The following GTF2H5 variants were observed in gnomAD, a reference collection of about 807,000 sequenced individuals.
GTF2H5 encodes the protein general transcription factor IIH subunit 5, also known as TFB5 ortholog.
In GTF2H5, 5 loss-of-function variants were observed where a neutral mutation model predicts 7.1. The ratio of observed to expected loss-of-function variants is 0.71; its 90% CI spans 0.37 to 1.49. The LOEUF is 1.49. GTF2H5 is among the 40% of genes most tolerant of loss of function. The pLI, the probability that GTF2H5 is intolerant of heterozygous loss-of-function variation, is 0.03. For missense variants in GTF2H5, 80 were observed against 83.0 expected (o/e 0.96, Z 0.14); for synonymous variants, 30 against 31.7 (o/e 0.95, Z 0.18).
chr6:158,181,701 C>CT (rs200161141), intron 2 of GTF2H5, among the ~76,000 whole-genome samples: 3,141 of 145,194 alleles, frequency 0.022, 51 homozygotes, highest in South Asian at 0.071. Flanking sequence ...GCAACCTCTG[C>CT]TTTTTTTTTT....
chr6:158,169,442 T>TATA (rs1370045810), intron 1 of GTF2H5, among the ~76,000 whole-genome samples: 1 of 35,982 alleles, frequency 2.8e-5, no homozygotes, highest in Non-Finnish European at 3.9e-5. Flanking sequence ...GTATATTATA[T>TATA]ATATTATATA....
intron 2 of GTF2H5, among the ~76,000 whole-genome samples, chr6:158,175,121 G>A (rs1785916948): frequency 6.6e-6 from 1 of 151,622 alleles, no homozygotes; most frequent in African/African-American, 2.4e-5. Context: ...TTTGTTAACA[G>A]AATTGAGTCC....
chr6:158,190,266 T>A (rs1449605649), intron 2 of GTF2H5, among the ~76,000 whole-genome samples: 1 of 152,156 alleles, frequency 6.6e-6, no homozygotes. Context: ...AAAAATCTCC[T>A]CCAGTCTTCC....
At chr6:158,169,119 C>T (rs1191552376) in intron 1 of GTF2H5, among the ~76,000 whole-genome samples, 7 of 149,914 alleles carry the variant, frequency 4.7e-5, no homozygotes, top group East Asian at 2.0e-4. Context: ...CTGTAGTCCC[C>T]GCTGCTTGGG....
At position 158,192,009 on chromosome 6, in the gene GTF2H5, T is replaced by G. The variant is rs941455336; in HGVS notation, c.68T>G (p.Leu23Trp). Residue 23 changes from leucine to tryptophan, a missense_variant, in exon 3 of 3, where the codon TTG (leucine) becomes TGG (tryptophan). Leu to Trp is a moderately conservative substitution (Grantham distance 61). Transcript: ENST00000607778. ...DPAMKQFLLY[L>W]DESNALGKKF... The stretch of plus-strand genomic sequence containing the variant: ...GCCATGAAGCAGTTTCTGCTGTACT[T>G]GGATGAGTCCAATGCCCTGGGGAAG... 8.7e-6 allele frequency: 14 copies of G among 1,614,144 alleles called. No individual in the cohort carries two copies. Among genetic ancestry groups the G allele is most frequent in the Non-Finnish European group, 1.2e-5 (14 of 1,179,968 alleles).
At chr6:158,190,050 T>C (rs1777001413) in intron 2 of GTF2H5, among the ~76,000 whole-genome samples, 2 of 152,052 alleles carry the variant, frequency 1.3e-5, no homozygotes, top group African/African-American at 4.8e-5. Flanking sequence ...CATCTCAAAA[T>C]ATAACATCAA....
At chr6:158,173,362 C>T (rs1042504710) in intron 2 of GTF2H5, among the ~76,000 whole-genome samples, 1 of 152,088 alleles carries the variant, frequency 6.6e-6, no homozygotes, top group Non-Finnish European at 1.5e-5. Context: ...TAAGAAATAA[C>T]ATAGATTCCC....
Position 158,195,723 on chromosome 6 carries a change from A to G in GTF2H5, c.*3566A>G, listed in dbSNP as rs984866446. 2.0e-5 allele frequency: 3 copies of G among 152,240 alleles called. No homozygotes were observed. The highest frequency in any genetic ancestry group is 2.4e-5 in the African/African-American group (1 of 41,458). 9.4% of individuals were successfully genotyped at this position (152,240 alleles called of 1,614,324 possible). A position where few individuals can be genotyped will look rare whatever the true frequency, so the allele number is the denominator to read the frequency against. On this transcript the variant is annotated 3_prime_UTR_variant, in exon 3 of 3. Coordinates refer to ENST00000607778, the MANE Select transcript of GTF2H5 (RefSeq NM_207118.3). ...TTATACAATAAATCTTACTTAGCTG[A>G]CAACTAGGAGTAAAAGCTCTGACAA...
chr6:158,182,722 C>G (rs1786027472), intron 2 of GTF2H5, among the ~76,000 whole-genome samples: 1 of 151,814 alleles, frequency 6.6e-6, no homozygotes, highest in East Asian at 1.9e-4. Context: ...GTTTTCAGCA[C>G]CATCAGGTCA....
At chr6:158,190,966 A>T in intron 2 of GTF2H5, 2 of 510,654 alleles carry the variant, frequency 3.9e-6, no homozygotes, top group South Asian at 2.9e-5. Flanking sequence ...CTTTTCCCTT[A>T]TGACTATCCT....
At chr6:158,173,827 A>G (rs1238833783) in intron 2 of GTF2H5, among the ~76,000 whole-genome samples, 1 of 152,206 alleles carries the variant, frequency 6.6e-6, no homozygotes, top group Non-Finnish European at 1.5e-5. Flanking sequence ...CGGGCCTGCT[A>G]ACTGGCTATT....
intron 2 of GTF2H5, among the ~76,000 whole-genome samples, chr6:158,187,014 G>C (rs1352632236): frequency 1.3e-5 from 2 of 149,832 alleles, no homozygotes; most frequent in Admixed American, 1.3e-4. Context: ...GTTCTTATTA[G>C]ACGAAGTCTC....
At position 158,196,828 on chromosome 6, in the gene GTF2H5, C is replaced by G. The variant is rs752155044; in HGVS notation, c.*4671C>G. The stretch of plus-strand genomic sequence containing the variant: ...GAAGATGAAACCTACAGCAGCAGAC[C>G]ATGCCACTTCGTGAGGAAAAAATTA... On this transcript the variant is annotated 3_prime_UTR_variant, in exon 3 of 3. Coordinates refer to ENST00000607778, the MANE Select transcript of GTF2H5 (RefSeq NM_207118.3). 1 of 152,158 alleles carries G rather than the reference C, an allele frequency of 6.6e-6. No individual in the cohort carries two copies. The highest frequency in any genetic ancestry group is 2.4e-5 in the African/African-American group (1 of 41,432). The allele number at this position is 152,158 out of a possible 1,614,324, so 9.4% of individuals were successfully genotyped here.
chr6:158,176,242 T>C (rs1440757549), intron 2 of GTF2H5, among the ~76,000 whole-genome samples: 2 of 152,188 alleles, frequency 1.3e-5, no homozygotes, highest in Non-Finnish European at 2.9e-5. Flanking sequence ...TTTTGTTTTT[T>C]TTTTGAAACG....
At position 158,193,252 on chromosome 6, in the gene GTF2H5, A is replaced by T. The variant is rs1019654306; in HGVS notation, c.*1095A>T. The stretch of plus-strand genomic sequence containing the variant: ...CCTTGATCATTGCTACTGCCACTCC[A>T]GCCTAGGTGACAGAGTGAGACCCTG... On this transcript the variant is annotated 3_prime_UTR_variant, in exon 3 of 3. Coordinates refer to ENST00000607778, the MANE Select transcript of GTF2H5 (RefSeq NM_207118.3). The T allele has an allele frequency of 6.6e-5, 10 of 151,842 alleles. No individual in the cohort carries two copies. Among genetic ancestry groups the T allele is most frequent in the African/African-American group, 2.4e-4 (10 of 41,246 alleles). The allele number at this position is 151,842 out of a possible 1,614,324, so 9.4% of individuals were successfully genotyped here.
At chr6:158,170,386 T>C in intron 1 of GTF2H5, 84 bp from the exon 2 acceptor site, 1 of 755,876 alleles carries the variant, frequency 1.3e-6, no homozygotes, top group Admixed American at 2.0e-5. Context: ...CATTTAATTA[T>C]TTTGCCTCGT....
chr6:158,178,303 G>A (rs181960845), intron 2 of GTF2H5, among the ~76,000 whole-genome samples: 12 of 151,998 alleles, frequency 7.9e-5, no homozygotes, highest in South Asian at 2.1e-4. Flanking sequence ...TGTCTAACAC[G>A]GTGAAACCCC....
chr6:158,185,294 C>T (rs1340207432), intron 2 of GTF2H5, among the ~76,000 whole-genome samples: 1 of 152,064 alleles, frequency 6.6e-6, no homozygotes, highest in Non-Finnish European at 1.5e-5. Context: ...GTAATCCCAA[C>T]ACTGGGAAGC....
chr6:158,169,613 A>G (rs1368651428), intron 1 of GTF2H5, among the ~76,000 whole-genome samples: 1 of 88,144 alleles, frequency 1.1e-5, no homozygotes, highest in Non-Finnish European at 1.9e-5. Flanking sequence ...TATATTGTAT[A>G]TTACATATAA....
Sources: gnomAD v4.1 joint callset for allele counts (sites outside exome capture counted in the v4.1 genomes callset) on GRCh38, gnomAD v4.1.1 for gene constraint, MANE v1.5 for transcripts, NCBI Gene and HGNC (gene_info 2026-07-23, HGNC 2026-07-21) for gene names.